MAPK10: variants seen among roughly 807,000 people sequenced by gnomAD.
MAPK10 encodes the protein JNK3 alpha protein kinase.
A neutral mutation model predicts 59.3 loss-of-function variants in MAPK10; 25 were observed. The observed-to-expected ratio is 0.42, with a 90% CI of 0.31 to 0.59. MAPK10 has a LOEUF of 0.59. Ranked by LOEUF, MAPK10 falls within the 20% of genes least tolerant of loss-of-function variation. The pLI, the probability that MAPK10 is intolerant of heterozygous loss-of-function variation, is 0.15. For missense variants in MAPK10, 351 were observed against 568.9 expected (o/e 0.62, Z 3.90); for synonymous variants, 190 against 200.5 (o/e 0.95, Z 0.44).
intron 2 of MAPK10, among the ~76,000 whole-genome samples, chr4:86,270,963 A>G (rs2094416650): frequency 6.6e-6 from 1 of 152,078 alleles, no homozygotes; most frequent in Admixed American, 6.6e-5. Context: ...ATTATAAATA[A>G]AGCTGCTATA....
chr4:86,178,930 T>A (rs1020412620), intron 3 of MAPK10, among the ~76,000 whole-genome samples: 9 of 152,062 alleles, frequency 5.9e-5, no homozygotes, highest in Non-Finnish European at 7.4e-5. Context: ...TTGCTGGGTG[T>A]GGTGGCTCAT....
chr4:86,466,145 G>C (rs1332259117), intron 1 of MAPK10, among the ~76,000 whole-genome samples: 1 of 152,080 alleles, frequency 6.6e-6, no homozygotes, highest in Non-Finnish European at 1.5e-5. Context: ...CTATAATTGA[G>C]GCATACCGCC....
At chr4:86,256,565 TTTAG>T (rs2093719863) in intron 2 of MAPK10, among the ~76,000 whole-genome samples, 3 of 152,062 alleles carry the variant, frequency 2.0e-5, no homozygotes, top group South Asian at 2.1e-4. Context: ...CAAATATTTA[TTTAG>T]TAAGTACCTA....
intron 3 of MAPK10, among the ~76,000 whole-genome samples, chr4:86,177,713 T>G (rs929386269): frequency 7.9e-5 from 12 of 152,030 alleles, no homozygotes; most frequent in Admixed American, 7.2e-4. Flanking sequence ...TTTCCAGGTT[T>G]AAAAAGGGCT....
At chr4:86,356,432 A>G in intron 1 of MAPK10, 7 of 625,108 alleles carry the variant, frequency 1.1e-5, no homozygotes, top group Non-Finnish European at 1.4e-5. Flanking sequence ...TAAACCTAAA[A>G]TGTTTATATT....
intron 1 of MAPK10, among the ~76,000 whole-genome samples, chr4:86,511,589 AAAG>A (rs1165288597): frequency 6.6e-6 from 1 of 151,538 alleles, no homozygotes; most frequent in Non-Finnish European, 1.5e-5. Context: ...AACAAGGAGG[AAAG>A]AAGAAGGAAG....
chr4:86,222,160 G>A (rs892397624), intron 2 of MAPK10, among the ~76,000 whole-genome samples: 2 of 152,138 alleles, frequency 1.3e-5, no homozygotes, highest in Non-Finnish European at 2.9e-5. Context: ...TGTACAGCCT[G>A]GGAAACTGTG....
At chr4:86,363,255 T>C (rs1200277636), upstream of MAPK10, among the ~76,000 whole-genome samples, 4 of 152,188 alleles carry the variant, frequency 2.6e-5, no homozygotes, top group Non-Finnish European at 5.9e-5. Context: ...AAATAATTTA[T>C]AGATGATTTA....
chr4:86,048,965 G>C lies in MAPK10; in HGVS notation c.1110+15301C>G, dbSNP rs985394850. Among the ~76,000 whole-genome samples, 5 of 152,010 alleles carry C rather than the reference G, an allele frequency of 3.3e-5. No homozygotes were observed. In the South Asian group the frequency reaches 1.0e-3, roughly 32 times the overall value. ...TAGGTTAATGAAGTCTTTCAATCAA[G>C]CATAAAGACTTCTGCTAATCTAGTA... On this transcript the variant is annotated intron_variant, in intron 11 of 13. Coordinates refer to ENST00000641462, the MANE Select transcript of MAPK10 (RefSeq NM_138982.4).
chr4:86,371,444 C>T (rs191072752), intron 1 of MAPK10, among the ~76,000 whole-genome samples: 13 of 152,180 alleles, frequency 8.5e-5, no homozygotes, highest in African/African-American at 3.1e-4. Context: ...TACAAGAAAA[C>T]GGAGACTTAG....
intron 9 of MAPK10, among the ~76,000 whole-genome samples, chr4:86,093,115 TG>T (rs1301322971): frequency 2.0e-5 from 3 of 152,034 alleles, no homozygotes; most frequent in South Asian, 2.1e-4. Flanking sequence ...ATGTAAGCCC[TG>T]GAAGTTAAAT....
intron 2 of MAPK10, among the ~76,000 whole-genome samples, chr4:86,260,763 C>T (rs1164968759): frequency 6.6e-6 from 1 of 152,042 alleles, no homozygotes; most frequent in African/African-American, 2.4e-5. Context: ...ACAGTTAGTC[C>T]TATAAGAAAT....
chr4:86,423,233 T>C (rs1335877654), intron 1 of MAPK10, among the ~76,000 whole-genome samples: 1 of 152,120 alleles, frequency 6.6e-6, no homozygotes, highest in Admixed American at 6.6e-5. Context: ...ATATAAACAT[T>C]TCTATGAAAA....
chr4:86,442,358 G>C (rs976529142), intron 1 of MAPK10, among the ~76,000 whole-genome samples: 10 of 152,080 alleles, frequency 6.6e-5, no homozygotes, highest in African/African-American at 2.4e-4. Flanking sequence ...TGGCAACTAT[G>C]AGATAAATAT....
chr4:86,101,302 G>A, intron 7 of MAPK10, 85 bp from the exon 8 acceptor site: 1 of 983,346 alleles, frequency 1.0e-6, no homozygotes, highest in Non-Finnish European at 1.5e-6. Flanking sequence ...TAGCCATTTT[G>A]CAGTAGCACT....
At chr4:86,387,820 T>G (rs1370458301) in intron 1 of MAPK10, among the ~76,000 whole-genome samples, 1 of 152,134 alleles carries the variant, frequency 6.6e-6, no homozygotes, top group East Asian at 1.9e-4. Context: ...ATCAGTTGTT[T>G]ATGTTTTAAC....
At chr4:86,337,232 C>T (rs990563410) in intron 2 of MAPK10, among the ~76,000 whole-genome samples, 1 of 152,174 alleles carries the variant, frequency 6.6e-6, no homozygotes, top group African/African-American at 2.4e-5. Flanking sequence ...ACTGACAGTG[C>T]ATTTCAGATT....
chr4:86,163,152 G>A (rs1414649630), intron 3 of MAPK10, among the ~76,000 whole-genome samples: 6 of 152,102 alleles, frequency 3.9e-5, no homozygotes, highest in African/African-American at 7.2e-5. Flanking sequence ...TAGTTTAAGC[G>A]GTAAGGCATG....
At chr4:86,535,923 T>C (rs1297404411) in intron 1 of MAPK10, among the ~76,000 whole-genome samples, 2 of 152,332 alleles carry the variant, frequency 1.3e-5, no homozygotes, top group Non-Finnish European at 2.9e-5. Flanking sequence ...ATCAAGTCTA[T>C]GGCCACTGTG....
Sources: allele counts gnomAD v4.1 joint callset (sites outside exome capture counted in the v4.1 genomes callset), GRCh38; gene constraint gnomAD v4.1.1; transcripts MANE v1.5; gene names NCBI Gene and HGNC (gene_info 2026-07-23, HGNC 2026-07-21).